Variants in PALLD observed in about 807,000 individuals in gnomAD.
The protein encoded by PALLD is palladin.
PALLD carries 61 observed loss-of-function variants against 123.5 expected under a neutral mutation model. The ratio of observed to expected loss-of-function variants is 0.49; its 90% CI spans 0.40 to 0.61. The LOEUF (loss-of-function observed/expected upper bound fraction) is 0.61. Ranked by LOEUF, PALLD falls within the 20% of genes least tolerant of loss-of-function variation. PALLD has a pLI of 0.00. For synonymous variants in PALLD, 465 were observed against 496.4 expected (o/e 0.94, Z 0.84); for missense variants, 1,273 against 1,377.0 (o/e 0.92, Z 1.20).
At chr4:168,907,327 G>A (rs989630384) in intron 15 of PALLD, among the ~76,000 whole-genome samples, 12 of 152,164 alleles carry the variant, frequency 7.9e-5, no homozygotes, top group African/African-American at 1.4e-4. Context: ...TAGGTACTCC[G>A]TTCCCACAGT....
At chr4:168,584,991 C>A (rs1292412858) in intron 2 of PALLD, among the ~76,000 whole-genome samples, 1 of 152,084 alleles carries the variant, frequency 6.6e-6, no homozygotes, top group African/African-American at 2.4e-5. Context: ...ACACCAGTTC[C>A]CATATAACTG....
At chr4:168,697,508 C>T (rs970860749) in intron 8 of PALLD, among the ~76,000 whole-genome samples, 7 of 152,140 alleles carry the variant, frequency 4.6e-5, no homozygotes, top group East Asian at 3.9e-4. Flanking sequence ...TGGTCCAGCC[C>T]GTCTTTTATT....
At chr4:168,565,647 AG>A (rs2149590087) in intron 2 of PALLD, among the ~76,000 whole-genome samples, 1 of 152,286 alleles carries the variant, frequency 6.6e-6, no homozygotes, top group East Asian at 1.9e-4. Flanking sequence ...AGGAAAACAC[AG>A]GTGCAGATTT....
chr4:168,690,694 G>A lies in PALLD; in HGVS notation c.1427G>A (p.Arg476Gln), dbSNP rs768538351. The A allele has an allele frequency of 1.4e-5, 23 of 1,614,006 alleles. No homozygotes were observed. The highest frequency in any genetic ancestry group is 2.7e-5 in the African/African-American group (2 of 74,896). Residue 476 changes from arginine to glutamine, a missense_variant, in exon 7 of 22, where the codon CGG becomes CAG. By Grantham distance (43) the Arg-to-Gln change is conservative. Transcript: ENST00000505667. ...CCCCCTCTGCAGGTCCAGTGGTTTC[G>A]GCAAGGGAGTGAAATCCAAGACTCT... ...GAPPLQVQWF[R>Q]QGSEIQDSPD... is the part of the protein sequence containing the mutation.
chr4:168,728,224 T>G (rs1451175415), intron 10 of PALLD, among the ~76,000 whole-genome samples: 1 of 152,210 alleles, frequency 6.6e-6, no homozygotes, highest in Non-Finnish European at 1.5e-5. Flanking sequence ...TTAGAATAGT[T>G]TTTTCTAATT....
Position 168,926,705 on chromosome 4 carries a change from A to G in PALLD, c.*525A>G, listed in dbSNP as rs1054147502. 7.2e-5 allele frequency: 24 copies of G among 331,066 alleles called. No homozygotes were observed. Among genetic ancestry groups the G allele is most frequent in the African/African-American group, 4.8e-4 (23 of 47,782 alleles). 20.5% of individuals were successfully genotyped at this position (331,066 alleles called of 1,614,324 possible). ...CAGGTAACTACAATTTGTATTATCTACAAGTGCCTTTAAACACAAGATATA... is the reference window on the plus strand; with the variant it reads ...CAGGTAACTACAATTTGTATTATCTGCAAGTGCCTTTAAACACAAGATATA... On this transcript the variant is annotated 3_prime_UTR_variant, in exon 22 of 22. Transcript: ENST00000505667.
intron 14 of PALLD, among the ~76,000 whole-genome samples, chr4:168,899,045 GCTGGTGAGTGGCCAGGCCTGCATA>G (rs1252577880): frequency 6.6e-6 from 1 of 152,140 alleles, no homozygotes; most frequent in African/African-American, 2.4e-5. Context: ...AGGTCAGAGA[GCTGGTGAGTGGCCAGGCCTGCATA>G]TGAACCCAGT....
At chr4:168,658,765 G>T (rs936496024) in intron 2 of PALLD, among the ~76,000 whole-genome samples, 18 of 152,112 alleles carry the variant, frequency 1.2e-4, no homozygotes, top group African/African-American at 4.1e-4. Flanking sequence ...AGATAAAGTG[G>T]TTATTTGAGG....
chr4:168,649,957 T>C (rs1006985285), intron 2 of PALLD, among the ~76,000 whole-genome samples: 12 of 152,172 alleles, frequency 7.9e-5, no homozygotes, highest in Admixed American at 7.9e-4. Context: ...GGCGGGCACC[T>C]GAGGTCAGGA....
intron 2 of PALLD, among the ~76,000 whole-genome samples, chr4:168,576,482 G>A (rs777157919): frequency 5.3e-5 from 8 of 151,942 alleles, no homozygotes; most frequent in African/African-American, 9.7e-5. Flanking sequence ...GAGAACATGC[G>A]GTGTTGTGGT....
At chr4:168,533,857 A>G (rs752573915) in intron 2 of PALLD, among the ~76,000 whole-genome samples, 3 of 152,210 alleles carry the variant, frequency 2.0e-5, no homozygotes, top group Non-Finnish European at 2.9e-5. Flanking sequence ...CAGCTAAAGG[A>G]GGACATTTTC....
chr4:168,820,806 G>A (rs539409502), intron 10 of PALLD, among the ~76,000 whole-genome samples: 1 of 152,186 alleles, frequency 6.6e-6, no homozygotes, highest in East Asian at 1.9e-4. Context: ...TTTTCTATTT[G>A]AATATGAGAA....
chr4:168,571,327 A>G (rs1033125396), intron 2 of PALLD, among the ~76,000 whole-genome samples: 2 of 152,194 alleles, frequency 1.3e-5, no homozygotes, highest in South Asian at 4.1e-4. Context: ...GATCCATTTT[A>G]AAACTAAGAT....
intron 10 of PALLD, among the ~76,000 whole-genome samples, chr4:168,835,392 T>C (rs1745002473): frequency 1.3e-5 from 2 of 152,188 alleles, no homozygotes; most frequent in South Asian, 2.1e-4. Context: ...CTCCTGGTAC[T>C]ATATACGTAT....
At chr4:168,733,960 C>A (rs552891793) in intron 10 of PALLD, among the ~76,000 whole-genome samples, 1 of 152,220 alleles carries the variant, frequency 6.6e-6, no homozygotes, top group East Asian at 1.9e-4. Context: ...TGGTCTCGAT[C>A]TCCTGACCTC....
chr4:168,732,280 T>TC (rs1787253556), intron 10 of PALLD, among the ~76,000 whole-genome samples: 1 of 152,216 alleles, frequency 6.6e-6, no homozygotes, highest in South Asian at 2.1e-4. Context: ...AGTTCTCATT[T>TC]CCCCTTTTCC....
chr4:168,566,175 T>C (rs1420280523), intron 2 of PALLD, among the ~76,000 whole-genome samples: 3 of 152,206 alleles, frequency 2.0e-5, no homozygotes, highest in Admixed American at 6.5e-5. Flanking sequence ...AAGTAATCTA[T>C]TTTTAGAAAC....
At chr4:168,588,637 A>T (rs954728029) in intron 2 of PALLD, among the ~76,000 whole-genome samples, 2 of 152,004 alleles carry the variant, frequency 1.3e-5, no homozygotes, top group African/African-American at 4.8e-5. Flanking sequence ...CAAACTCCTG[A>T]CCTCAAGTGA....
intron 10 of PALLD, among the ~76,000 whole-genome samples, chr4:168,855,611 G>C (rs982814890): frequency 3.9e-5 from 6 of 152,090 alleles, no homozygotes; most frequent in Admixed American, 3.9e-4. Flanking sequence ...AATATGAATG[G>C]GATGGCTACG....
Sources: gnomAD v4.1 joint callset for allele counts (sites outside exome capture counted in the v4.1 genomes callset) on GRCh38, gnomAD v4.1.1 for gene constraint, MANE v1.5 for transcripts, NCBI Gene and HGNC (gene_info 2026-07-23, HGNC 2026-07-21) for gene names.